The following CDH18 variants were observed in gnomAD, a reference collection of about 807,000 sequenced individuals.
The protein encoded by CDH18 is cadherin-18.
A neutral mutation model predicts 67.9 loss-of-function variants in CDH18; 31 were observed. That is an observed-to-expected ratio of 0.46 (90% CI 0.34 to 0.62). The LOEUF (loss-of-function observed/expected upper bound fraction) is 0.62, where lower values mean the gene tolerates loss of function less well. CDH18 is among the 20% of genes least tolerant of loss of function. The probability of loss-of-function intolerance (pLI) is 0.01; values close to 1 mark genes in which losing one functional copy is unlikely to be tolerated. For synonymous variants in CDH18, 362 were observed against 347.2 expected (o/e 1.04, Z -0.48); for missense variants, 890 against 975.5 (o/e 0.91, Z 1.17).
chr5:19,738,367 C>T (rs1392840748), intron 4 of CDH18, among the ~76,000 whole-genome samples: 1 of 152,072 alleles, frequency 6.6e-6, no homozygotes, highest in Non-Finnish European at 1.5e-5. Flanking sequence ...ATTCCAAAGC[C>T]AAATTATATA....
chr5:20,489,308 A>C (rs2126374072), intron 1 of CDH18, among the ~76,000 whole-genome samples: 1 of 152,204 alleles, frequency 6.6e-6, no homozygotes, highest in South Asian at 2.1e-4. Context: ...ACCAGACAAT[A>C]ATACTACATG....
At chr5:20,113,345 T>C (rs995426622) in intron 2 of CDH18, among the ~76,000 whole-genome samples, 7 of 152,222 alleles carry the variant, frequency 4.6e-5, no homozygotes, top group Non-Finnish European at 1.0e-4. Flanking sequence ...AGTCTTTTTC[T>C]TGTTATTTGT....
rs73762447 is a variant in CDH18, at chr5:19,934,687, A to G, written c.-257+46373T>C. ...TTTGATGTAAAGATACAGGGGTCTTAGTTAACTCCCTCAGCAATGCTATGT... is the reference window on the plus strand; with the variant it reads ...TTTGATGTAAAGATACAGGGGTCTTGGTTAACTCCCTCAGCAATGCTATGT... On this transcript the variant is annotated intron_variant, in intron 2 of 12. Coordinates refer to ENST00000382275, the MANE Select transcript of CDH18 (RefSeq NM_004934.5). Among the ~76,000 whole-genome samples the G allele has an allele frequency of 1.7e-3, 257 of 151,634 alleles. 2 individuals are homozygous for G. Among genetic ancestry groups the G allele is most frequent in the African/African-American group, 6.0e-3 (249 of 41,508 alleles).
chr5:19,672,719 T>C (rs565895059), intron 5 of CDH18, among the ~76,000 whole-genome samples: 89 of 152,144 alleles, frequency 5.8e-4, no homozygotes, highest in African/African-American at 1.9e-3. Context: ...ATAACAACAG[T>C]ATAAGTATTA....
At chr5:20,473,857 G>A (rs1366028306) in intron 1 of CDH18, among the ~76,000 whole-genome samples, 1 of 151,990 alleles carries the variant, frequency 6.6e-6, no homozygotes, top group Admixed American at 6.6e-5. Flanking sequence ...AGAAGACATT[G>A]TCCATGATAT....
intron 5 of CDH18, among the ~76,000 whole-genome samples, chr5:19,641,813 T>A (rs528298725): frequency 1.2e-3 from 177 of 151,920 alleles, no homozygotes; most frequent in South Asian, 4.6e-3. Context: ...GTACTTGAAG[T>A]CCTAGCCAGT....
chr5:20,019,454 G>A (rs1738199599), intron 2 of CDH18, among the ~76,000 whole-genome samples: 1 of 151,966 alleles, frequency 6.6e-6, no homozygotes, highest in African/African-American at 2.4e-5. Context: ...GAAGGGCCTT[G>A]TGGGAGGTGA....
At chr5:20,079,060 G>C (rs1416902616) in intron 2 of CDH18, among the ~76,000 whole-genome samples, 1 of 152,066 alleles carries the variant, frequency 6.6e-6, no homozygotes, top group Non-Finnish European at 1.5e-5. Context: ...AAATATTTAT[G>C]AGCTCTTTGT....
chr5:20,416,748 A>T (rs1382023407), intron 1 of CDH18, among the ~76,000 whole-genome samples: 2 of 152,094 alleles, frequency 1.3e-5, no homozygotes. Flanking sequence ...AAAAGTCTAC[A>T]CTCACTTAAT....
At chr5:19,474,822 A>G (rs1355068790) in intron 12 of CDH18, among the ~76,000 whole-genome samples, 3 of 152,160 alleles carry the variant, frequency 2.0e-5, no homozygotes, top group African/African-American at 7.2e-5. Flanking sequence ...TAATGCTGCA[A>G]ACATTAGAAG....
chr5:20,001,337 G>A (rs1736424118), intron 2 of CDH18, among the ~76,000 whole-genome samples: 1 of 152,208 alleles, frequency 6.6e-6, no homozygotes, highest in Admixed American at 6.5e-5. Context: ...CCTACTGAGT[G>A]TATAGGTGAA....
intron 1 of CDH18, among the ~76,000 whole-genome samples, chr5:20,276,608 G>C (rs1470126347): frequency 6.6e-6 from 1 of 152,180 alleles, no homozygotes; most frequent in Non-Finnish European, 1.5e-5. Flanking sequence ...AGCAGTGGTG[G>C]CTACAGGATA....
At chr5:20,150,154 T>G (rs1245687863) in intron 2 of CDH18, among the ~76,000 whole-genome samples, 1 of 152,110 alleles carries the variant, frequency 6.6e-6, no homozygotes, top group African/African-American at 2.4e-5. Context: ...GGTTGAGGAC[T>G]TTAAGAACTA....
chr5:20,048,292 G>T (rs892753061), intron 2 of CDH18, among the ~76,000 whole-genome samples: 1 of 151,480 alleles, frequency 6.6e-6, no homozygotes, highest in African/African-American at 2.4e-5. Flanking sequence ...CACTCAACGT[G>T]CTTACACTAA....
chr5:19,522,130 A>G (rs1176952968), intron 9 of CDH18, among the ~76,000 whole-genome samples: 2 of 152,156 alleles, frequency 1.3e-5, no homozygotes, highest in Non-Finnish European at 1.5e-5. Flanking sequence ...ATAAAGATAC[A>G]ATAAAAGTTA....
intron 2 of CDH18, among the ~76,000 whole-genome samples, chr5:20,100,779 A>G (rs967390079): frequency 1.3e-5 from 2 of 152,094 alleles, no homozygotes; most frequent in African/African-American, 4.8e-5. Flanking sequence ...TGCAAATAAG[A>G]GAATATCCCC....
intron 5 of CDH18, among the ~76,000 whole-genome samples, chr5:19,682,027 G>A (rs1057483377): frequency 5.9e-5 from 9 of 151,992 alleles, no homozygotes; most frequent in Admixed American, 5.9e-4. Flanking sequence ...TCCTAGAAGA[G>A]GTGTAAAAGA....
At chr5:19,655,440 T>C (rs941856277) in intron 5 of CDH18, among the ~76,000 whole-genome samples, 3 of 151,666 alleles carry the variant, frequency 2.0e-5, no homozygotes, top group Admixed American at 1.3e-4. Flanking sequence ...GTAATATATA[T>C]ATATTTAAAA....
At chr5:20,048,873 T>C (rs1379786572) in intron 2 of CDH18, among the ~76,000 whole-genome samples, 1 of 151,758 alleles carries the variant, frequency 6.6e-6, no homozygotes, top group Non-Finnish European at 1.5e-5. Context: ...TTCTTGGAAA[T>C]ACAACATGGA....
Sources: gnomAD v4.1 joint callset for allele counts (sites outside exome capture counted in the v4.1 genomes callset) on GRCh38, gnomAD v4.1.1 for gene constraint, MANE v1.5 for transcripts, NCBI Gene and HGNC (gene_info 2026-07-23, HGNC 2026-07-21) for gene names.